KLF13: variants seen among roughly 807,000 people sequenced by gnomAD.
KLF13 encodes the protein KLF transcription factor 13.
A neutral mutation model predicts 16.7 loss-of-function variants in KLF13; 8 were observed. The ratio of observed to expected loss-of-function variants is 0.48; its 90% CI spans 0.28 to 0.87. The LOEUF is 0.87. Among genes scored for constraint, KLF13 ranks in the 40% least tolerant of loss-of-function variants. The pLI is 0.10. For missense variants in KLF13, 447 were observed against 452.2 expected, an observed-to-expected ratio of 0.99 and a Z score of 0.10; for synonymous variants, 245 against 208.4, an observed-to-expected ratio of 1.18 and a Z score of -1.51.
intron 1 of KLF13, among the ~76,000 whole-genome samples, chr15:31,331,511 C>T (rs570323225): frequency 6.8e-6 from 1 of 146,420 alleles, no homozygotes; most frequent in African/African-American, 2.4e-5. Flanking sequence ...CCCTGCAGGT[C>T]CTCCCTGATG....
chr15:31,370,727 TC>T (rs1490756355), intron 1 of KLF13, among the ~76,000 whole-genome samples: 2 of 152,194 alleles, frequency 1.3e-5, no homozygotes, highest in African/African-American at 4.8e-5. Flanking sequence ...CCGTTTTTGC[TC>T]TCTGAACTTC....
intron 2 of KLF13, among the ~76,000 whole-genome samples, chr15:31,398,050 A>G (rs563773316): frequency 3.3e-4 from 51 of 152,304 alleles, no homozygotes; most frequent in African/African-American, 1.1e-3. Context: ...AATTAGCCTA[A>G]TAAGGAGCCT....
In KLF13 at chr15:31,327,622, CG is replaced by C; in HGVS notation, c.414del (p.Ala140ArgfsTer49). The C allele has an allele frequency of 7.4e-7, 1 of 1,348,732 alleles. No individual in the cohort carries two copies. The allele number at this position is 1,348,732 out of a possible 1,614,324, so 83.5% of individuals were successfully genotyped here. On this transcript the variant is annotated frameshift_variant, in exon 1 of 2. Transcript: ENST00000307145. LOFTEE classifies it high-confidence loss of function. Reference sequence around the variant, plus strand: ...GCGGGGCTGGAGCCCGAGCGGGAGCCGGGGCCCGCGGGGAGCGGCGAGCCCG... The same window carrying C: ...GCGGGGCTGGAGCCCGAGCGGGAGCCGGGCCCGCGGGGAGCGGCGAGCCCG... The part of the protein sequence containing the change: ...PEAGLEPERE[P>X]GPAGSGEPGL...
intron 1 of KLF13, among the ~76,000 whole-genome samples, chr15:31,347,960 C>G (rs1296829351): frequency 6.6e-6 from 1 of 152,250 alleles, no homozygotes; most frequent in Non-Finnish European, 1.5e-5. Context: ...CAGTGCGTTC[C>G]AGATCTCAGG....
intron 1 of KLF13, among the ~76,000 whole-genome samples, chr15:31,338,621 A>T (rs571342055): frequency 2.3e-3 from 343 of 152,114 alleles, no homozygotes; most frequent in African/African-American, 7.9e-3. Flanking sequence ...GGAGGGTGGG[A>T]CCCTGGAGCC....
In KLF13 at chr15:31,372,658, G is replaced by A. The variant is rs2039573924; in HGVS notation, c.*359G>A. ...CTGTTAGGTTCGGGAACACGCTGGGGACAGAGCAGGCCAGCCAGTCTGGTG... is the reference window on the plus strand; with the variant it reads ...CTGTTAGGTTCGGGAACACGCTGGGAACAGAGCAGGCCAGCCAGTCTGGTG... On this transcript the variant is annotated 3_prime_UTR_variant, in exon 2 of 2. Transcript: ENST00000307145. 4 of 218,596 alleles carry A rather than the reference G, an allele frequency of 1.8e-5. 1 individual carries two copies. The highest frequency in any genetic ancestry group is 1.1e-4 in the Admixed American group (2 of 18,450). The allele number at this position is 218,596 out of a possible 1,614,324, so 13.5% of individuals were successfully genotyped here.
chr15:31,385,878 T>A (rs540163610), intron 1 of KLF13, among the ~76,000 whole-genome samples: 21 of 152,378 alleles, frequency 1.4e-4, no homozygotes, highest in African/African-American at 1.9e-4. Flanking sequence ...GGAAGCCATG[T>A]GAGGAAGTCT....
chr15:31,428,572 C>T (rs758579215), intron 1 of KLF13, among the ~76,000 whole-genome samples: 11 of 151,926 alleles, frequency 7.2e-5, no homozygotes, highest in South Asian at 6.2e-4. Flanking sequence ...TTTGGGAGTC[C>T]GAGGCGGGCA....
chr15:31,379,644 A>G (rs1006873986), downstream of KLF13, among the ~76,000 whole-genome samples: 3 of 152,204 alleles, frequency 2.0e-5, no homozygotes, highest in African/African-American at 4.8e-5. Context: ...GAACAAATGT[A>G]TGAGTGTCTC....
At chr15:31,430,650 G>T (rs978435292) in intron 1 of KLF13, among the ~76,000 whole-genome samples, 5 of 152,158 alleles carry the variant, frequency 3.3e-5, no homozygotes, top group East Asian at 1.9e-4. Flanking sequence ...TTGCTTTGGG[G>T]ATTAAATTTC....
chr15:31,420,552 C>T, intron 1 of KLF13: 1 of 517,722 alleles, frequency 1.9e-6, no homozygotes. Context: ...CTAGGAGAAC[C>T]CAACATTGAT....
At chr15:31,330,247 G>A (rs886298605) in intron 1 of KLF13, among the ~76,000 whole-genome samples, 1 of 152,228 alleles carries the variant, frequency 6.6e-6, no homozygotes, top group African/African-American at 2.4e-5. Context: ...AGGTGTCCGT[G>A]GTTTGTGGGC....
In KLF13 at chr15:31,327,552, G is replaced by A; in HGVS notation, c.340G>A (p.Ala114Thr). 1 of 1,115,652 alleles carries A rather than the reference G, an allele frequency of 9.0e-7. No individual in the cohort carries two copies. The highest frequency in any genetic ancestry group is 1.7e-5 in the African/African-American group (1 of 59,896). 69.1% of individuals were successfully genotyped at this position (1,115,652 alleles called of 1,614,324 possible). A position where few individuals can be genotyped will look rare whatever the true frequency, so the allele number is the denominator to read the frequency against. Residue 114 changes from alanine (A) to threonine (T), a missense_variant, in exon 1 of 2, where the codon GCG (alanine) becomes ACG (threonine). Transcript: ENST00000307145. ...CACCTCCCCCGGCGCCGAAGGCGCGGCGGCCGCGCCCCCCAGCCCGGCGTG... is the reference window on the plus strand; with the variant it reads ...CACCTCCCCCGGCGCCGAAGGCGCGACGGCCGCGCCCCCCAGCCCGGCGTG... ...EPTSPGAEGA[A>T]AAPPSPAWSE... is the part of the protein sequence containing the mutation.
chr15:31,389,580 C>T (rs943765522), upstream of KLF13, among the ~76,000 whole-genome samples: 4 of 152,220 alleles, frequency 2.6e-5, 1 homozygote, highest in Admixed American at 1.3e-4. Flanking sequence ...AGCTCTTACT[C>T]CCCTATATTT....
chr15:31,327,698 C>A lies in KLF13; in HGVS notation c.486C>A (p.Ser162=). Residue 162 remains serine, a synonymous_variant, in exon 1 of 2, where the codon TCC becomes TCA. Coordinates refer to ENST00000307145, the MANE Select transcript of KLF13 (RefSeq NM_015995.4). The part of the protein sequence containing the change: ...RRGRSRADLE[S]PQRKHKCHYA... Reference sequence around the variant, plus strand: ...GCCGAAGTCGCGCCGACCTCGAGTCCCCGCAGAGGAAGCACAAGTGCCACT... The same window carrying A: ...GCCGAAGTCGCGCCGACCTCGAGTCACCGCAGAGGAAGCACAAGTGCCACT... 1 of 1,536,582 alleles carries A rather than the reference C, an allele frequency of 6.5e-7. No individual in the cohort carries two copies. Among genetic ancestry groups the A allele is most frequent in the Non-Finnish European group, 8.8e-7 (1 of 1,138,850 alleles).
intron 1 of KLF13, among the ~76,000 whole-genome samples, chr15:31,427,399 C>T (rs997128147): frequency 3.3e-5 from 5 of 151,986 alleles, no homozygotes; most frequent in African/African-American, 9.7e-5. Context: ...AAAATTGGAA[C>T]CAGTACGGCG....
At chr15:31,425,065 A>G (rs1450296269) in intron 1 of KLF13, among the ~76,000 whole-genome samples, 1 of 152,172 alleles carries the variant, frequency 6.6e-6, no homozygotes, top group African/African-American at 2.4e-5. Flanking sequence ...TATACTCAGG[A>G]ATAAGCTTAA....
intron 2 of KLF13, among the ~76,000 whole-genome samples, chr15:31,398,172 GCT>G (rs1355417179): frequency 2.0e-5 from 3 of 152,204 alleles, no homozygotes; most frequent in Non-Finnish European, 4.4e-5. Flanking sequence ...GGATGCTCCT[GCT>G]CGGGCGGGGC....
At chr15:31,366,567 C>T (rs559327366) in intron 1 of KLF13, 1 of 152,540 alleles carries the variant, frequency 6.6e-6, no homozygotes, top group South Asian at 2.1e-4. Context: ...GAGTCCCTGT[C>T]TTGCTGTTGC....
Sources: gnomAD v4.1 joint callset for allele counts (sites outside exome capture counted in the v4.1 genomes callset) on GRCh38, gnomAD v4.1.1 for gene constraint, MANE v1.5 for transcripts, NCBI Gene and HGNC (gene_info 2026-07-23, HGNC 2026-07-21) for gene names.